Variants in ZNF737 observed in about 807,000 individuals in gnomAD.
ZNF737 encodes zinc finger protein 737.
ZNF737 carries 13 observed loss-of-function variants against 11.7 expected under a neutral mutation model. The observed-to-expected ratio is 1.11, with a 90% CI of 0.73 to 1.77. ZNF737 has a LOEUF of 1.77. Among genes scored for constraint, ZNF737 ranks in the 40% most tolerant of loss-of-function variants. The probability of loss-of-function intolerance (pLI) is 0.00; values close to 1 mark genes in which losing one functional copy is unlikely to be tolerated. For missense variants in ZNF737, 636 were observed against 638.0 expected (o/e 1.00, Z 0.03); for synonymous variants, 217 against 216.2 (o/e 1.00, Z -0.03).
At position 20,539,083 on chromosome 19, in the gene ZNF737, G is replaced by T. The variant is rs1431114917; in HGVS notation, c.*5509C>A. Reference sequence around the variant, plus strand: ...GGCTGAGGTGGATGGATCACCTGAGGTCAGGAGTTCAAGACAAGCCTGGCT... The same window carrying T: ...GGCTGAGGTGGATGGATCACCTGAGTTCAGGAGTTCAAGACAAGCCTGGCT... On this transcript the variant is annotated 3_prime_UTR_variant, in exon 4 of 4. Transcript: ENST00000427401. 1.3e-6 allele frequency: 1 copy of T among 779,414 alleles called. No homozygotes were observed. Among genetic ancestry groups the T allele is most frequent in the Non-Finnish European group, 1.6e-6 (1 of 642,400 alleles). 48.3% of individuals were successfully genotyped at this position (779,414 alleles called of 1,614,324 possible).
At chr19:20,555,503 G>T (rs115941862) in intron 1 of ZNF737, among the ~76,000 whole-genome samples, 120 of 152,256 alleles carry the variant, frequency 7.9e-4, no homozygotes, top group African/African-American at 2.4e-3. Flanking sequence ...TCTTAATCCT[G>T]TTCGGCATAC....
downstream of ZNF737, among the ~76,000 whole-genome samples, chr19:20,534,006 T>C (rs1233373448): frequency 2.0e-5 from 3 of 150,206 alleles, no homozygotes; most frequent in Non-Finnish European, 4.4e-5. Flanking sequence ...AATAAGATAG[T>C]TGGCTGTTAG....
chr19:20,552,341 A>C, intron 3 of ZNF737, 134 bp downstream of exon 3: 1 of 522,298 alleles, frequency 1.9e-6, no homozygotes, highest in Non-Finnish European at 3.1e-6. Context: ...AGAAAAAAAA[A>C]AAAAAAACAG....
chr19:20,555,415 CT>C (rs1298243380), intron 1 of ZNF737, among the ~76,000 whole-genome samples: 1 of 152,120 alleles, frequency 6.6e-6, no homozygotes, highest in Non-Finnish European at 1.5e-5. Flanking sequence ...ATCTCCTGAC[CT>C]CGGGATCTGC....
intron 1 of ZNF737, among the ~76,000 whole-genome samples, chr19:20,556,531 G>C (rs782207977): frequency 4.6e-5 from 7 of 152,140 alleles, no homozygotes; most frequent in Non-Finnish European, 8.8e-5. Flanking sequence ...TTTGAAAAGG[G>C]TCCATGAATG....
In ZNF737 at chr19:20,538,732, A is replaced by G; in HGVS notation, c.*5860T>C. The G allele has an allele frequency of 1.0e-6, 1 of 985,446 alleles. No homozygotes were observed. The highest frequency in any genetic ancestry group is 1.2e-6 in the Non-Finnish European group (1 of 829,924). The allele number at this position is 985,446 out of a possible 1,614,324, so 61.0% of individuals were successfully genotyped here. ...ATGCTGAGTGGAGGCACCACACTGC[A>G]CATCAATGCTTTCCACATGCACCCA... On this transcript the variant is annotated 3_prime_UTR_variant, in exon 4 of 4. Transcript: ENST00000427401.
chr19:20,565,338 C>T (rs1555763530), intron 1 of ZNF737, among the ~76,000 whole-genome samples: 1 of 152,188 alleles, frequency 6.6e-6, no homozygotes, highest in Non-Finnish European at 1.5e-5. Context: ...CCCTGACGAC[C>T]CTCTGGTGGT....
rs368441798 is a variant in ZNF737 at position 20,553,762 on chromosome 19, C to T, written c.77G>A (p.Arg26Gln). ...EEWHCLDTAQ[R>Q]NLYRNVMLEN... ...TAACATCACATTCCTATATAAATTCCGCTGTGCAGTGTCCAGGCAATGCCA... is the reference window on the plus strand; with the variant it reads ...TAACATCACATTCCTATATAAATTCTGCTGTGCAGTGTCCAGGCAATGCCA... The change falls in exon 2 of 4, where the codon CGG becomes CAG. Residue 26 changes from arginine (R) to glutamine (Q), a missense_variant. Transcript: ENST00000427401. 1.1e-4 allele frequency: 185 copies of T among 1,613,762 alleles called. No individual in the cohort carries two copies. The highest frequency in any genetic ancestry group is 1.6e-4 in the Middle Eastern group (1 of 6,082).
intron 3 of ZNF737, among the ~76,000 whole-genome samples, chr19:20,551,886 TG>T (rs1359213517): frequency 3.4e-5 from 5 of 148,800 alleles, no homozygotes; most frequent in Admixed American, 3.3e-4. Context: ...AAAATTGCAG[TG>T]TTTTTTTTTT....
chr19:20,537,510 TA>T (rs1460873609), downstream of ZNF737, among the ~76,000 whole-genome samples: 66 of 101,698 alleles, frequency 6.5e-4, no homozygotes, highest in Non-Finnish European at 1.0e-3. Flanking sequence ...CCTGGTTTTC[TA>T]TTTTTTTTTT....
rs1969273587 is a variant in ZNF737, at chr19:20,565,693, T to C, written c.-53A>G. 6.2e-7 allele frequency: 1 copy of C among 1,613,370 alleles called. No individual in the cohort carries two copies. Among genetic ancestry groups the C allele is most frequent in the African/African-American group, 1.3e-5 (1 of 74,838 alleles). On this transcript the variant is annotated 5_prime_UTR_variant, in exon 1 of 4. Coordinates refer to ENST00000427401, the MANE Select transcript of ZNF737 (RefSeq NM_001159293.2). ...TCTTAGCTGTGGATCTCCCAATACCTGCAGGACACAGGGCCACAGAGGCTG... is the reference window on the plus strand; with the variant it reads ...TCTTAGCTGTGGATCTCCCAATACCCGCAGGACACAGGGCCACAGAGGCTG...
chr19:20,545,513 T>A lies in ZNF737; in HGVS notation c.690A>T (p.Lys230Asn), dbSNP rs781874095. 2.4e-5 allele frequency: 39 copies of A among 1,613,302 alleles called. No individual in the cohort carries two copies. Among genetic ancestry groups the A allele is most frequent in the Non-Finnish European group, 3.2e-5 (38 of 1,179,778 alleles). Reference protein sequence around the residue: ...KRIHTGEKRYKCEDCGKAFSR... With the variant: ...KRIHTGEKRYNCEDCGKAFSR... The stretch of plus-strand genomic sequence containing the variant: ...TAAAGGCTTTGCCACAGTCTTCACA[T>A]TTGTACCGTTTCTCTCCAGTATGAA... The change falls in exon 4 of 4, where the codon AAA becomes AAT. Residue 230 changes from lysine to asparagine, a missense_variant. Lys to Asn is a moderately conservative substitution (Grantham distance 94). Coordinates refer to ENST00000427401, the MANE Select transcript of ZNF737 (RefSeq NM_001159293.2).
Position 20,543,083 on chromosome 19 carries a change from T to C in ZNF737, c.*1509A>G. ...TGTCGGGGCCTTAGTTATTCTACTG[T>C]AAACTCTCTTGATATTTATATACAA... On this transcript the variant is annotated 3_prime_UTR_variant, in exon 4 of 4. Coordinates refer to ENST00000427401, the MANE Select transcript of ZNF737 (RefSeq NM_001159293.2). The C allele has an allele frequency of 1.0e-6, 1 of 973,768 alleles. No individual in the cohort carries two copies. Among genetic ancestry groups the C allele is most frequent in the Non-Finnish European group, 1.2e-6 (1 of 819,498 alleles). 60.3% of individuals were successfully genotyped at this position (973,768 alleles called of 1,614,324 possible).
chr19:20,547,254 G>A (rs1488454381), intron 3 of ZNF737, among the ~76,000 whole-genome samples: 1 of 151,820 alleles, frequency 6.6e-6, no homozygotes, highest in Non-Finnish European at 1.5e-5. Flanking sequence ...GGTAGCAGGC[G>A]CCTGTAGTCC....
chr19:20,565,442 G>T (rs1173910004), intron 1 of ZNF737, among the ~76,000 whole-genome samples, 196 bp downstream of exon 1: 3 of 152,132 alleles, frequency 2.0e-5, no homozygotes, highest in Non-Finnish European at 4.4e-5. Flanking sequence ...GGAAGACACA[G>T]GACGCCAGGG....
chr19:20,537,511 ATTTT>A (rs1163609628), downstream of ZNF737, among the ~76,000 whole-genome samples: 118 of 77,090 alleles, frequency 1.5e-3, 1 homozygote, highest in African/African-American at 4.6e-3. Context: ...CTGGTTTTCT[ATTTT>A]TTTTTTTTTT....
chr19:20,544,440 C>T lies in ZNF737; in HGVS notation c.*152G>A, dbSNP rs1249767313. On this transcript the variant is annotated 3_prime_UTR_variant, in exon 4 of 4. Coordinates refer to ENST00000427401, the MANE Select transcript of ZNF737 (RefSeq NM_001159293.2). ...TTTTCTTATTTGTTGGGTTTCTTTCCCGCATGAATTATCTAATGTCTACTA... is the reference window on the plus strand; with the variant it reads ...TTTTCTTATTTGTTGGGTTTCTTTCTCGCATGAATTATCTAATGTCTACTA... The T allele has an allele frequency of 2.0e-6, 3 of 1,468,258 alleles. No homozygotes were observed. The highest frequency in any genetic ancestry group is 1.8e-6 in the Non-Finnish European group (2 of 1,117,510). The allele number at this position is 1,468,258 out of a possible 1,614,324, so 91.0% of individuals were successfully genotyped here.
rs113402588 is a variant in ZNF737 at position 20,539,653 on chromosome 19, A to G, written c.*4939T>C. 7.1e-5 allele frequency: 66 copies of G among 933,870 alleles called. No homozygotes were observed. Among genetic ancestry groups the G allele is most frequent in the Non-Finnish European group, 7.4e-5 (58 of 783,200 alleles). 57.8% of individuals were successfully genotyped at this position (933,870 alleles called of 1,614,324 possible). A position where few individuals can be genotyped will look rare whatever the true frequency, so the allele number is the denominator to read the frequency against. ...TTAATCTTGTATTACAGTATAGTAG[A>G]ATCCTCTATAATTAGAAGTTAATTA... is the stretch of plus-strand genomic sequence containing the variant. On this transcript the variant is annotated 3_prime_UTR_variant, in exon 4 of 4. Coordinates refer to ENST00000427401, the MANE Select transcript of ZNF737 (RefSeq NM_001159293.2).
chr19:20,547,342 C>T (rs921942390), intron 3 of ZNF737, among the ~76,000 whole-genome samples: 13 of 145,398 alleles, frequency 8.9e-5, no homozygotes, highest in African/African-American at 3.4e-4. Flanking sequence ...GATTGCGTCA[C>T]TGCACTCCAG....
Sources: allele counts gnomAD v4.1 joint callset (sites outside exome capture counted in the v4.1 genomes callset), GRCh38; gene constraint gnomAD v4.1.1; transcripts MANE v1.5; gene names NCBI Gene and HGNC (gene_info 2026-07-23, HGNC 2026-07-21).